Variants in DAZL observed in about 807,000 individuals in gnomAD.
The protein encoded by DAZL is deleted in azoospermia like.
Under a neutral mutation model 45.0 loss-of-function variants are expected in DAZL, and 4 were observed. The observed-to-expected ratio is 0.09, with a 90% CI of 0.04 to 0.20. The LOEUF (loss-of-function observed/expected upper bound fraction) is 0.20, where lower values mean the gene tolerates loss of function less well. DAZL is among the 10% of genes least tolerant of loss of function. DAZL has a pLI of 1.00. For synonymous variants in DAZL, 122 were observed against 112.4 expected (o/e 1.09, Z -0.54); for missense variants, 326 against 351.3 (o/e 0.93, Z 0.58).
intron 1 of DAZL, among the ~76,000 whole-genome samples, chr3:16,599,007 T>G (rs528356687): frequency 1.2e-4 from 18 of 152,220 alleles, no homozygotes; most frequent in Admixed American, 3.9e-4. Context: ...GGTCTCGAAC[T>G]CCCGACCTCA....
chr3:16,601,177 GA>G (rs1261178827), intron 1 of DAZL, among the ~76,000 whole-genome samples: 1 of 152,212 alleles, frequency 6.6e-6, no homozygotes, highest in African/African-American at 2.4e-5. Context: ...GCTTGAAAAT[GA>G]ATGGTTGGAA....
At chr3:16,604,830 G>A in intron 1 of DAZL, 1 of 844,624 alleles carries the variant, frequency 1.2e-6, no homozygotes, top group South Asian at 2.0e-5. Context: ...GAGCGCGTGG[G>A]AGTGGGGGCG....
intron 1 of DAZL, among the ~76,000 whole-genome samples, chr3:16,602,490 A>ATG (rs1694706514): frequency 6.6e-6 from 1 of 152,178 alleles, no homozygotes; most frequent in Admixed American, 6.5e-5. Context: ...AGGAGATTAA[A>ATG]AAATTCAAAC....
chr3:16,593,254 C>T (rs1317387473), intron 9 of DAZL, among the ~76,000 whole-genome samples: 1 of 152,200 alleles, frequency 6.6e-6, no homozygotes, highest in Non-Finnish European at 1.5e-5. Flanking sequence ...TAGGAAAGGA[C>T]TGCTGAATCA....
At position 16,587,358 on chromosome 3, in the gene DAZL, C is replaced by T. The variant is rs975364703; in HGVS notation, c.*1302G>A. The T allele has an allele frequency of 2.6e-5, 4 of 152,272 alleles. No homozygotes were observed. The highest frequency in any genetic ancestry group is 7.2e-5 in the African/African-American group (3 of 41,434). 9.4% of individuals were successfully genotyped at this position (152,272 alleles called of 1,614,324 possible). A position where few individuals can be genotyped will look rare whatever the true frequency, so the allele number is the denominator to read the frequency against. ...CATGTCCATGGCAGATCAAATGGTA[C>T]TGATACAACTTTTTCCCTTAGAAAG... On this transcript the variant is annotated 3_prime_UTR_variant, in exon 11 of 11. Coordinates refer to ENST00000399444, the MANE Select transcript of DAZL (RefSeq NM_001351.4).
chr3:16,591,164 G>A (rs956821950), intron 10 of DAZL, among the ~76,000 whole-genome samples: 1 of 152,008 alleles, frequency 6.6e-6, no homozygotes, highest in Admixed American at 6.6e-5. Flanking sequence ...CTTTAGTCCT[G>A]TACCTTCTCA....
At chr3:16,593,404 C>T (rs1694551194) in intron 9 of DAZL, among the ~76,000 whole-genome samples, 1 of 152,184 alleles carries the variant, frequency 6.6e-6, no homozygotes, top group South Asian at 2.1e-4. Flanking sequence ...AACTCCTGAG[C>T]TCAAGCAATC....
At chr3:16,596,955 T>C (rs1424156203) in intron 5 of DAZL, 33 bp downstream of exon 5, 10 of 1,612,762 alleles carry the variant, frequency 6.2e-6, no homozygotes, top group Non-Finnish European at 8.5e-6. Context: ...ATTTCTTTTA[T>C]GTTTAAAAAG....
In DAZL at chr3:16,598,551, G is replaced by C. The variant is rs1202440542; in HGVS notation, c.51C>G (p.Ala17=). 6.2e-7 allele frequency: 1 copy of C among 1,603,054 alleles called. No homozygotes were observed. The highest frequency in any genetic ancestry group is 8.5e-7 in the Non-Finnish European group (1 of 1,179,086). ...TTGCAGCTGATGAGGACTGGGTGCT[G>C]GCCTCTCTGGAGATGGTTGAGTTTG... ...ETPNSTISRE[A]STQSSSAATS... Residue 17 remains alanine (A), a synonymous_variant, in exon 2 of 11, where the codon GCC becomes GCG. Coordinates refer to ENST00000399444, the MANE Select transcript of DAZL (RefSeq NM_001351.4).
In DAZL at chr3:16,588,673, A is replaced by T; in HGVS notation, c.875T>A (p.Leu292His). Residue 292 changes from leucine (L) to histidine (H), a missense_variant, in exon 11 of 11, where the codon CTT becomes CAT. By Grantham distance (99) the Leu-to-His change is moderately conservative. Coordinates refer to ENST00000399444, the MANE Select transcript of DAZL (RefSeq NM_001351.4). Reference sequence around the variant, plus strand: ...AAGCCAGGAGGATCAAACAGATTTAAGCATTGCCCGACTTCTTCTAAAGTG... The same window carrying T: ...AAGCCAGGAGGATCAAACAGATTTATGCATTGCCCGACTTCTTCTAAAGTG... ...VHHFRRSRAM[L>H]KSV The T allele has an allele frequency of 6.2e-7, 1 of 1,611,504 alleles. No homozygotes were observed. The highest frequency in any genetic ancestry group is 8.5e-7 in the Non-Finnish European group (1 of 1,177,972).
chr3:16,592,085 T>G lies in DAZL; in HGVS notation c.799A>C (p.Arg267=), dbSNP rs191274968. The G allele has an allele frequency of 2.0e-4, 315 of 1,613,834 alleles. No homozygotes were observed. Among genetic ancestry groups the G allele is most frequent in the Non-Finnish European group, 2.5e-4 (291 of 1,179,806 alleles). ...TCATCTTGAGTAACAACAGAGTTTC[T>G]CAGTCTGTTCTCTGGATTAAACAGA... ...SCLFNPENRL[R]NSVVTQDDYF... The change falls in exon 10 of 11, where the codon AGA becomes CGA. Residue 267 remains arginine, a synonymous_variant. Coordinates refer to ENST00000399444, the MANE Select transcript of DAZL (RefSeq NM_001351.4).
chr3:16,596,495 GA>G (rs146042694), intron 6 of DAZL, among the ~76,000 whole-genome samples: 21,274 of 151,940 alleles, frequency 0.14, 1,922 homozygotes, highest in East Asian at 0.46. Flanking sequence ...TATATGGGGG[GA>G]AAAAGGAAGA....
At chr3:16,599,662 CAT>C (rs1346080299) in intron 1 of DAZL, among the ~76,000 whole-genome samples, 3 of 152,146 alleles carry the variant, frequency 2.0e-5, no homozygotes, top group African/African-American at 2.4e-5. Flanking sequence ...AAGAAACACA[CAT>C]ATAACTCATT....
intron 9 of DAZL, 54 bp from the exon 10 acceptor site, chr3:16,592,202 G>T: frequency 1.3e-6 from 2 of 1,595,706 alleles, no homozygotes; most frequent in Non-Finnish European, 1.7e-6. Flanking sequence ...CTCACTCTTA[G>T]TAAGGGTTTT....
At chr3:16,590,437 A>C (rs544874731) in intron 10 of DAZL, among the ~76,000 whole-genome samples, 2 of 152,208 alleles carry the variant, frequency 1.3e-5, no homozygotes, top group Non-Finnish European at 2.9e-5. Flanking sequence ...GTGATGGTTA[A>C]ACATTTCCTT....
chr3:16,604,750 G>C, intron 1 of DAZL: 1 of 1,360,018 alleles, frequency 7.4e-7, no homozygotes, highest in Non-Finnish European at 9.4e-7. Context: ...CGGGGAGAGC[G>C]CGCCAGAAAT....
intron 6 of DAZL, among the ~76,000 whole-genome samples, chr3:16,595,850 A>G (rs1173122098): frequency 6.6e-6 from 1 of 152,050 alleles, no homozygotes; most frequent in Admixed American, 6.5e-5. Flanking sequence ...CGAAGAACTA[A>G]GGGCTGTATA....
rs1236823286 is a variant in DAZL at position 16,587,407 on chromosome 3, T to A, written c.*1253A>T. On this transcript the variant is annotated 3_prime_UTR_variant, in exon 11 of 11. Transcript: ENST00000399444. ...AGGTATTATATCCCATTGCTACCGT[T>A]CCAGGGTTTGGCCCTTGAACTGCTC... 6.6e-6 allele frequency: 1 copy of A among 152,574 alleles called. No individual in the cohort carries two copies. Among genetic ancestry groups the A allele is most frequent in the Non-Finnish European group, 1.5e-5 (1 of 68,018 alleles). The allele number at this position is 152,574 out of a possible 1,614,324, so 9.5% of individuals were successfully genotyped here. A position where few individuals can be genotyped will look rare whatever the true frequency, so the allele number is the denominator to read the frequency against.
intron 10 of DAZL, among the ~76,000 whole-genome samples, chr3:16,589,499 G>T (rs982234713): frequency 2.0e-5 from 3 of 152,122 alleles, no homozygotes; most frequent in Non-Finnish European, 4.4e-5. Context: ...TCACCAACAT[G>T]TATCTTCACA....
Sources: allele counts gnomAD v4.1 joint callset (sites outside exome capture counted in the v4.1 genomes callset), GRCh38; gene constraint gnomAD v4.1.1; transcripts MANE v1.5; gene names NCBI Gene and HGNC (gene_info 2026-07-23, HGNC 2026-07-21).